SEPTIN1: variants seen among roughly 807,000 people sequenced by gnomAD.
SEPTIN1 encodes the protein septin-1.
SEPTIN1 carries 52 observed loss-of-function variants against 50.7 expected under a neutral mutation model. The ratio of observed to expected loss-of-function variants is 1.03; its 90% CI spans 0.82 to 1.29. SEPTIN1 has a LOEUF of 1.29. Ranked by LOEUF, SEPTIN1 falls within the 50% of genes most tolerant of loss-of-function variation. SEPTIN1 has a pLI of 0.00. For synonymous variants in SEPTIN1, 204 were observed against 189.1 expected, an observed-to-expected ratio of 1.08 and a Z score of -0.65; for missense variants, 455 against 490.7, an observed-to-expected ratio of 0.93 and a Z score of 0.69.
In SEPTIN1 at chr16:30,378,591, A is replaced by T. The variant is rs2049785998; in HGVS notation, c.1032+19T>A. On this transcript the variant is annotated intron_variant, in intron 10 of 10. Coordinates refer to ENST00000321367, the MANE Select transcript of SEPTIN1 (RefSeq NM_001365977.2). The stretch of plus-strand genomic sequence containing the variant: ...GGGACCTGGGGCATCGGTCGGGGGG[A>T]AGCGAGGTGCGTGCTCACCTCTTCG... 6.2e-7 allele frequency: 1 copy of T among 1,608,916 alleles called. No homozygotes were observed. Among genetic ancestry groups the T allele is most frequent in the African/African-American group, 1.3e-5 (1 of 74,112 alleles).
chr16:30,379,988 G>A lies in SEPTIN1; in HGVS notation c.619C>T (p.Pro207Ser). The A allele has an allele frequency of 6.2e-7, 1 of 1,611,274 alleles. No individual in the cohort carries two copies. Among genetic ancestry groups the A allele is most frequent in the Non-Finnish European group, 8.5e-7 (1 of 1,177,876 alleles). ...TCATCTTCATCAGAGTCACATTCGG[G>A]GAACTGGTAGATGTGGATCTCCTCT... ...KEEEIHIYQF[P>S]ECDSDEDEDF... The change falls in exon 7 of 11, where the codon CCC becomes TCC. Residue 207 changes from proline to serine, a missense_variant. Physicochemically the swap from Pro to Ser is moderately conservative, Grantham distance 74. Coordinates refer to ENST00000321367, the MANE Select transcript of SEPTIN1 (RefSeq NM_001365977.2).
intron 7 of SEPTIN1, 133 bp downstream of exon 7, chr16:30,379,799 G>T: frequency 1.6e-6 from 1 of 639,426 alleles, no homozygotes; most frequent in Non-Finnish European, 2.8e-6. Flanking sequence ...TAGAGGTGGG[G>T]TCTCGCCATG....
chr16:30,382,659 G>A (rs2049867572), upstream of SEPTIN1: 7 of 1,536,232 alleles, frequency 4.6e-6, no homozygotes, highest in South Asian at 8.3e-5. The surrounding 1 kb of genome is among the most constrained non-coding windows in gnomAD (Gnocchi z 4.8). Flanking sequence ...GTCCCAGAGA[G>A]GTGGGGAAGG....
In SEPTIN1 at chr16:30,382,317, T is replaced by C; in HGVS notation, c.67A>G (p.Lys23Glu). The change falls in exon 2 of 11, where the codon AAG (lysine) becomes GAG (glutamate). Residue 23 changes from lysine to glutamate, a missense_variant. Transcript: ENST00000321367. This position sits in a 1 kb window ranked among gnomAD's most constrained non-coding sequence, Gnocchi z 4.8. ...FAALPNQLHR[K>E]SVKKGFDFTL... ...AAGTCAAACCCCTTCTTGACAGACT[T>C]GCGGTGCAGCTGGTTGGGGAGGGCA... The C allele has an allele frequency of 6.2e-7, 1 of 1,613,820 alleles. No homozygotes were observed. Among genetic ancestry groups the C allele is most frequent in the African/African-American group, 1.3e-5 (1 of 75,006 alleles).
upstream of SEPTIN1, chr16:30,382,795 G>A (rs2049869288): frequency 4.6e-6 from 7 of 1,535,518 alleles, no homozygotes; most frequent in African/African-American, 1.4e-5. The surrounding 1 kb of genome is among the most constrained non-coding windows in gnomAD (Gnocchi z 4.8). Context: ...CCATCATCGT[G>A]GTGAGACATG....
At chr16:30,379,640 C>CTTTTTTT (rs71149011) in intron 7 of SEPTIN1, 106 bp from the exon 8 acceptor site, 15,816 of 237,242 alleles carry the variant, frequency 0.067, 2,385 homozygotes, top group African/African-American at 0.11. Flanking sequence ...GCCCCTTCCT[C>CTTTTTTT]TTTTTTTTTT....
rs1178441756 is a variant in SEPTIN1 at position 30,378,280 on chromosome 16, G to A, written c.*154C>T. 7 of 760,744 alleles carry A rather than the reference G, an allele frequency of 9.2e-6. No homozygotes were observed. In the East Asian group the frequency reaches 1.7e-4, roughly 18 times the overall value. The allele number at this position is 760,744 out of a possible 1,614,324, so 47.1% of individuals were successfully genotyped here. On this transcript the variant is annotated 3_prime_UTR_variant, in exon 11 of 11. Transcript: ENST00000321367. ...GGTGGGCGGGACCAGCGCCGGGGCG[G>A]GGCTACGGACTCAGGCTGGGAGAAC... is the stretch of plus-strand genomic sequence containing the variant.
In SEPTIN1 at chr16:30,382,326, G is replaced by A. The variant is rs1479074865; in HGVS notation, c.58C>T (p.Leu20=). The A allele has an allele frequency of 6.2e-7, 1 of 1,613,806 alleles. No homozygotes were observed. Among genetic ancestry groups the A allele is most frequent in the Non-Finnish European group, 8.5e-7 (1 of 1,179,822 alleles). Reference sequence around the variant, plus strand: ...CCCTTCTTGACAGACTTGCGGTGCAGCTGGTTGGGGAGGGCAGCAAAACCC... The same window carrying A: ...CCCTTCTTGACAGACTTGCGGTGCAACTGGTTGGGGAGGGCAGCAAAACCC... ...YVGFAALPNQ[L]HRKSVKKGFD... The change falls in exon 2 of 11, where the codon CTG becomes TTG. Residue 20 remains leucine, a synonymous_variant. Transcript: ENST00000321367. This position sits in a 1 kb window ranked among gnomAD's most constrained non-coding sequence, Gnocchi z 4.8.
chr16:30,382,296 C>G lies in SEPTIN1; in HGVS notation c.88G>C (p.Asp30His). The G allele has an allele frequency of 1.2e-6, 2 of 1,613,878 alleles. No homozygotes were observed. Among genetic ancestry groups the G allele is most frequent in the Non-Finnish European group, 1.7e-6 (2 of 1,179,828 alleles). Residue 30 changes from aspartate (D) to histidine (H), a missense_variant, in exon 2 of 11, where the codon GAC (aspartate) becomes CAC (histidine). Transcript: ENST00000321367. The surrounding 1 kb of genome is among the most constrained non-coding windows in gnomAD (Gnocchi z 4.8). ...LHRKSVKKGF[D>H]FTLMVAGESG... ...AGACCTGCCACCATTAGCGTGAAGTCAAACCCCTTCTTGACAGACTTGCGG... is the reference window on the plus strand; with the variant it reads ...AGACCTGCCACCATTAGCGTGAAGTGAAACCCCTTCTTGACAGACTTGCGG...
Position 30,379,516 on chromosome 16 carries a change from C to T in SEPTIN1, c.694G>A (p.Val232Ile). The change falls in exon 8 of 11, where the codon GTC (valine) becomes ATC (isoleucine). Residue 232 changes from valine to isoleucine, a missense_variant. Transcript: ENST00000321367. Reference sequence around the variant, plus strand: ...CTCACCACCTCGCATGATCCCACGACTGCAAAAGGGATGCTTTCCTGGAGG... The same window carrying T: ...CTCACCACCTCGCATGATCCCACGATTGCAAAAGGGATGCTTTCCTGGAGG... ...AEMKESIPFA[V>I]VGSCEVVRDG... 1 of 1,613,926 alleles carries T rather than the reference C, an allele frequency of 6.2e-7. No homozygotes were observed. The highest frequency in any genetic ancestry group is 8.5e-7 in the Non-Finnish European group (1 of 1,179,990).
Position 30,382,232 on chromosome 16 carries a change from T to A in SEPTIN1, c.109+43A>T. 3 of 1,612,824 alleles carry A rather than the reference T, an allele frequency of 1.9e-6. No homozygotes were observed. The highest frequency in any genetic ancestry group is 2.5e-6 in the Non-Finnish European group (3 of 1,178,920). ...AGGGGAGGGGACAGCCAGGGCCTCC[T>A]AAGGACATCCCCTCCGCAGTTCCCT... On this transcript the variant is annotated intron_variant, in intron 2 of 10. Coordinates refer to ENST00000321367, the MANE Select transcript of SEPTIN1 (RefSeq NM_001365977.2). This position sits in a 1 kb window ranked among gnomAD's most constrained non-coding sequence, Gnocchi z 4.8.
Position 30,382,076 on chromosome 16 carries a change from G to A in SEPTIN1, c.196+17C>T. 1 of 1,577,618 alleles carries A rather than the reference G, an allele frequency of 6.3e-7. No individual in the cohort carries two copies. On this transcript the variant is annotated intron_variant, in intron 3 of 10. Transcript: ENST00000321367. The surrounding 1 kb of genome is among the most constrained non-coding windows in gnomAD (Gnocchi z 4.8). ...GGGACAGGGGCTACTGCCTCAAGAG[G>A]GTGGGGAGGGTCTTACCACTGGCCT...
chr16:30,380,202 A>G (rs1342485399), intron 6 of SEPTIN1, 169 bp from the exon 7 acceptor site: 2 of 455,886 alleles, frequency 4.4e-6, no homozygotes, highest in African/African-American at 2.0e-5. Context: ...ACAAAATCTC[A>G]GAGACATAGA....
chr16:30,382,566 A>C, upstream of SEPTIN1: 1 of 1,582,982 alleles, frequency 6.3e-7, no homozygotes, highest in Non-Finnish European at 8.6e-7. The surrounding 1 kb of genome is among the most constrained non-coding windows in gnomAD (Gnocchi z 4.8). Flanking sequence ...GTCTCTCCCC[A>C]CTTCCTCTGG....
In SEPTIN1 at chr16:30,379,039, G is replaced by A; in HGVS notation, c.920C>T (p.Ala307Val). ...RCLQSLARPG[A>V]RDRASRSKLS... ...TCACCTGCGGCTGGCTCGATCGCGA[G>A]CCCCAGGCCGGGCCAGGCTCTGTAG... The change falls in exon 9 of 11, where the codon GCT becomes GTT. Residue 307 changes from alanine (A) to valine (V), a missense_variant. Coordinates refer to ENST00000321367, the MANE Select transcript of SEPTIN1 (RefSeq NM_001365977.2). 1 of 1,613,396 alleles carries A rather than the reference G, an allele frequency of 6.2e-7. No homozygotes were observed. The highest frequency in any genetic ancestry group is 8.5e-7 in the Non-Finnish European group (1 of 1,179,894).
Position 30,379,050 on chromosome 16 carries a change from G to T in SEPTIN1, c.909C>A (p.Ala303=). ...GYRARCLQSL[A]RPGARDRASR... ...TGGCTCGATCGCGAGCCCCAGGCCG[G>T]GCCAGGCTCTGTAGGCAGCGGGCCC... Residue 303 remains alanine, a synonymous_variant, in exon 9 of 11, where the codon GCC becomes GCA. Coordinates refer to ENST00000321367, the MANE Select transcript of SEPTIN1 (RefSeq NM_001365977.2). The T allele has an allele frequency of 6.2e-7, 1 of 1,613,792 alleles. No homozygotes were observed.
In SEPTIN1 at chr16:30,379,183, A is replaced by C; in HGVS notation, c.776T>G (p.Val259Gly). 6.2e-7 allele frequency: 1 copy of C among 1,613,886 alleles called. No individual in the cohort carries two copies. The highest frequency in any genetic ancestry group is 8.5e-7 in the Non-Finnish European group (1 of 1,179,840). ...GRRYSWGTVEVENPHHCDFLN... is the reference protein window; with the variant it reads ...GRRYSWGTVEGENPHHCDFLN... ...GAAATCGCAGTGATGTGGGTTCTCC[A>C]CTGGAGGGGGGGCGGCGCGGACCAG... The change falls in exon 9 of 11, where the codon GTG becomes GGG. Residue 259 changes from valine to glycine, a missense_variant and splice_region_variant. By Grantham distance (109) the Val-to-Gly change is moderately radical. Coordinates refer to ENST00000321367, the MANE Select transcript of SEPTIN1 (RefSeq NM_001365977.2).
In SEPTIN1 at chr16:30,379,170, A is replaced by C. The variant is rs778726324; in HGVS notation, c.789T>G (p.His263Gln). ...SWGTVEVENP[H>Q]HCDFLNLRRM... ...GTCGCAGGTTCAGGAAATCGCAGTG[A>C]TGTGGGTTCTCCACTGGAGGGGGGG... Residue 263 changes from histidine to glutamine, a missense_variant, in exon 9 of 11, where the codon CAT becomes CAG. By Grantham distance (24) the His-to-Gln change is conservative. Coordinates refer to ENST00000321367, the MANE Select transcript of SEPTIN1 (RefSeq NM_001365977.2). 6.2e-7 allele frequency: 1 copy of C among 1,614,074 alleles called. No individual in the cohort carries two copies. Among genetic ancestry groups the C allele is most frequent in the Non-Finnish European group, 8.5e-7 (1 of 1,179,996 alleles).
chr16:30,379,220 G>A (rs1419526404), intron 8 of SEPTIN1, 37 bp from the exon 9 acceptor site: 1 of 1,610,954 alleles, frequency 6.2e-7, no homozygotes, highest in South Asian at 1.1e-5. Context: ...GAACGTCAGG[G>A]AGTTTCGGGT....
Sources: gnomAD v4.1 joint callset for allele counts on GRCh38, gnomAD v4.1.1 for gene constraint, Gnocchi (gnomAD v3.1) non-coding constraint, MANE v1.5 for transcripts, NCBI Gene and HGNC (gene_info 2026-07-23, HGNC 2026-07-21) for gene names.